TNR: variants seen among roughly 807,000 people sequenced by gnomAD.
TNR encodes tenascin R.
TNR carries 45 observed loss-of-function variants against 150.4 expected under a neutral mutation model. The ratio of observed to expected loss-of-function variants is 0.30; its 90% CI spans 0.24 to 0.38. The LOEUF is 0.38. Ranked by LOEUF, TNR falls within the 10% of genes least tolerant of loss-of-function variation. The pLI is 1.00. For missense variants in TNR, 1,544 were observed against 1,759.1 expected, an observed-to-expected ratio of 0.88 and a Z score of 2.19; for synonymous variants, 687 against 678.4, an observed-to-expected ratio of 1.01 and a Z score of -0.20.
chr1:175,462,368 GCTT>G (rs1656858070), intron 2 of TNR, among the ~76,000 whole-genome samples: 2 of 152,274 alleles, frequency 1.3e-5, no homozygotes, highest in South Asian at 4.1e-4. Flanking sequence ...GTCTTCTCAG[GCTT>G]CTTGTGTGTA....
intron 2 of TNR, among the ~76,000 whole-genome samples, chr1:175,448,296 C>T (rs1360677228): frequency 1.3e-5 from 2 of 152,172 alleles, no homozygotes; most frequent in Non-Finnish European, 2.9e-5. Flanking sequence ...TGGCTCACTG[C>T]AACCTCCACC....
intron 1 of TNR, among the ~76,000 whole-genome samples, chr1:175,694,012 A>G (rs79549095): frequency 0.028 from 4,236 of 152,292 alleles, 193 homozygotes; most frequent in African/African-American, 0.096. Flanking sequence ...CTGTTTGTAT[A>G]TGCCAGAGTT....
intron 1 of TNR, among the ~76,000 whole-genome samples, chr1:175,567,548 C>G (rs1336937322): frequency 6.6e-6 from 1 of 152,164 alleles, no homozygotes; most frequent in African/African-American, 2.4e-5. Flanking sequence ...ATCTGCGGGT[C>G]TAACATGGCC....
chr1:175,397,877 GACTA>G (rs1303154071), intron 4 of TNR, among the ~76,000 whole-genome samples: 3 of 152,194 alleles, frequency 2.0e-5, no homozygotes, highest in South Asian at 2.1e-4. Context: ...AAGCCTTTAA[GACTA>G]ACTAAGAGGC....
intron 2 of TNR, among the ~76,000 whole-genome samples, chr1:175,483,293 A>G (rs1019408831): frequency 3.3e-5 from 5 of 152,180 alleles, no homozygotes; most frequent in African/African-American, 1.2e-4. Flanking sequence ...GGGCTCAGCA[A>G]GAGAGGTTAG....
chr1:175,727,051 C>T (rs1667500715), intron 1 of TNR, among the ~76,000 whole-genome samples: 2 of 152,204 alleles, frequency 1.3e-5, no homozygotes, highest in African/African-American at 4.8e-5. Context: ...TCCTTGATGA[C>T]TCCAGAGAAA....
intron 1 of TNR, among the ~76,000 whole-genome samples, chr1:175,634,377 A>T (rs1041192048): frequency 1.3e-5 from 2 of 151,972 alleles, no homozygotes; most frequent in Non-Finnish European, 2.9e-5. Flanking sequence ...CCTCTGTCTC[A>T]CCTGTGGATA....
At chr1:175,706,456 G>A (rs1666844205) in intron 1 of TNR, among the ~76,000 whole-genome samples, 1 of 152,092 alleles carries the variant, frequency 6.6e-6, no homozygotes, top group South Asian at 2.1e-4. Flanking sequence ...AAGATGACAG[G>A]AAGGCATCTT....
chr1:175,413,700 C>A lies in TNR; in HGVS notation c.-63-6923G>T, dbSNP rs957511605. ...AATGGTGGATAGGAGAAGCAGGATGCCATGGTCTGAATGTTTGTGTCCCTC... is the reference window on the plus strand; with the variant it reads ...AATGGTGGATAGGAGAAGCAGGATGACATGGTCTGAATGTTTGTGTCCCTC... On this transcript the variant is annotated intron_variant, in intron 2 of 22. Coordinates refer to ENST00000367674, the MANE Select transcript of TNR (RefSeq NM_003285.3). Among the ~76,000 whole-genome samples, 12 of 152,260 alleles carry A rather than the reference C, an allele frequency of 7.9e-5. 1 individual carries two copies. The East Asian group carries it at 2.3e-3, about 29-fold the overall frequency.
intron 4 of TNR, among the ~76,000 whole-genome samples, chr1:175,398,207 C>T (rs978071373): frequency 6.6e-6 from 1 of 152,132 alleles, no homozygotes; most frequent in African/African-American, 2.4e-5. Flanking sequence ...CCAAGACTCA[C>T]AGGATAGAAT....
chr1:175,625,685 G>A (rs986321151), intron 1 of TNR, among the ~76,000 whole-genome samples: 5 of 152,132 alleles, frequency 3.3e-5, no homozygotes, highest in African/African-American at 7.2e-5. Flanking sequence ...TCGCCTGTGA[G>A]AGCAGGCACT....
intron 1 of TNR, among the ~76,000 whole-genome samples, chr1:175,658,267 C>A (rs1307227068): frequency 1.3e-5 from 2 of 152,074 alleles, no homozygotes; most frequent in African/African-American, 2.4e-5. Flanking sequence ...TGCTACTTTC[C>A]TTTGACTTTA....
chr1:175,704,622 A>T (rs1213263580), intron 1 of TNR, among the ~76,000 whole-genome samples: 1 of 152,140 alleles, frequency 6.6e-6, no homozygotes, highest in African/African-American at 2.4e-5. Context: ...CCCAATGGGG[A>T]GGAGCAGGGG....
chr1:175,720,303 T>A (rs778231050), intron 1 of TNR, among the ~76,000 whole-genome samples: 4 of 152,202 alleles, frequency 2.6e-5, no homozygotes, highest in Non-Finnish European at 4.4e-5. Flanking sequence ...ACTGACAAGT[T>A]GATCATCTGC....
chr1:175,440,120 C>T (rs1407131733), intron 2 of TNR, among the ~76,000 whole-genome samples: 2 of 152,120 alleles, frequency 1.3e-5, no homozygotes, highest in East Asian at 3.8e-4. Flanking sequence ...GACTTGGAAC[C>T]AACCCAAATG....
At chr1:175,590,247 C>T (rs1228064181) in intron 1 of TNR, among the ~76,000 whole-genome samples, 1 of 151,946 alleles carries the variant, frequency 6.6e-6, no homozygotes, top group Non-Finnish European at 1.5e-5. Flanking sequence ...TATTGTATGT[C>T]TATATCAAAA....
chr1:175,489,737 C>A (rs1450475989), intron 2 of TNR, among the ~76,000 whole-genome samples: 2 of 152,170 alleles, frequency 1.3e-5, no homozygotes, highest in East Asian at 1.9e-4. Context: ...TGATATTTTT[C>A]TGAGTTTTAC....
intron 2 of TNR, among the ~76,000 whole-genome samples, chr1:175,490,888 T>C (rs969956745): frequency 2.0e-5 from 3 of 152,194 alleles, no homozygotes; most frequent in African/African-American, 7.2e-5. Flanking sequence ...CAAAAAGATA[T>C]AAATCATTCT....
intron 1 of TNR, among the ~76,000 whole-genome samples, chr1:175,530,722 C>CTT (rs36074804): frequency 1.7e-4 from 25 of 149,600 alleles, no homozygotes; most frequent in East Asian, 3.9e-4. Flanking sequence ...AGTGCACTCT[C>CTT]TTTTTTTTTT....
Sources: allele counts gnomAD v4.1 joint callset (sites outside exome capture counted in the v4.1 genomes callset), GRCh38; gene constraint gnomAD v4.1.1; transcripts MANE v1.5; gene names NCBI Gene and HGNC (gene_info 2026-07-23, HGNC 2026-07-21).